Variants in RAB40C observed in about 807,000 individuals in gnomAD.
RAB40C encodes the protein ras-related protein Rab-40C.
Under a neutral mutation model 28.1 loss-of-function variants are expected in RAB40C, and 8 were observed. The ratio of observed to expected loss-of-function variants is 0.28; its 90% CI spans 0.17 to 0.51. The LOEUF is 0.51. RAB40C is among the 20% of genes least tolerant of loss of function. The probability of loss-of-function intolerance (pLI) is 0.97; values close to 1 mark genes in which losing one functional copy is unlikely to be tolerated. For synonymous variants in RAB40C, 201 were observed against 171.7 expected (o/e 1.17, Z -1.34); for missense variants, 288 against 405.9 (o/e 0.71, Z 2.50).
chr16:601,862 T>A (rs986228759), intron 1 of RAB40C, among the ~76,000 whole-genome samples: 4 of 125,542 alleles, frequency 3.2e-5, no homozygotes, highest in Admixed American at 8.6e-5. Context: ...ATGCGGTGGC[T>A]CACGCCTGTA....
chr16:629,228 C>T lies in RAB40C; in HGVS notation c.*1606C>T, dbSNP rs568707517. On this transcript the variant is annotated 3_prime_UTR_variant, in exon 6 of 6. Transcript: ENST00000248139. Reference sequence around the variant, plus strand: ...ACACTCCGCCATTCCTGGTTCTCTCCGAACCGTTCTTTGTACAGTAAATGT... The same window carrying T: ...ACACTCCGCCATTCCTGGTTCTCTCTGAACCGTTCTTTGTACAGTAAATGT... 45 of 266,056 alleles carry T rather than the reference C, an allele frequency of 1.7e-4. No individual in the cohort carries two copies. Among genetic ancestry groups the T allele is most frequent in the Non-Finnish European group, 2.2e-4 (28 of 129,422 alleles). The allele number at this position is 266,056 out of a possible 1,614,324, so 16.5% of individuals were successfully genotyped here. A position where few individuals can be genotyped will look rare whatever the true frequency, so the allele number is the denominator to read the frequency against.
At chr16:624,415 T>TC in intron 3 of RAB40C, 1 of 985,474 alleles carries the variant, frequency 1.0e-6, no homozygotes, top group Non-Finnish European at 1.2e-6. Context: ...TCGAAGGGTC[T>TC]CCCTCAGCGA....
At chr16:591,596 CTTT>C (rs1015313465) in intron 1 of RAB40C, among the ~76,000 whole-genome samples, 1 of 144,490 alleles carries the variant, frequency 6.9e-6, no homozygotes. Context: ...TCTTTTCTTT[CTTT>C]TTTTTTTTTT....
Position 627,687 on chromosome 16 carries a change from C to T in RAB40C, c.*65C>T, listed in dbSNP as rs1038952615. The T allele has an allele frequency of 2.9e-5, 43 of 1,488,004 alleles. No homozygotes were observed. The highest frequency in any genetic ancestry group is 2.7e-4 in the South Asian group (20 of 74,316). 92.2% of individuals were successfully genotyped at this position (1,488,004 alleles called of 1,614,324 possible). A position where few individuals can be genotyped will look rare whatever the true frequency, so the allele number is the denominator to read the frequency against. ...CTCGAGCTGGACACTCCTGGCTGGACGCCAGGCCAGTGCCGCCTACGTGGA... is the reference window on the plus strand; with the variant it reads ...CTCGAGCTGGACACTCCTGGCTGGATGCCAGGCCAGTGCCGCCTACGTGGA... On this transcript the variant is annotated 3_prime_UTR_variant, in exon 6 of 6. Transcript: ENST00000248139.
intron 1 of RAB40C, among the ~76,000 whole-genome samples, chr16:608,943 C>A (rs1250143728): frequency 6.6e-6 from 1 of 152,038 alleles, no homozygotes; most frequent in Non-Finnish European, 1.5e-5. Flanking sequence ...AGCGAGACCC[C>A]TGACTGTACA....
At chr16:624,775 G>A (rs988229429) in intron 3 of RAB40C, 43 of 985,446 alleles carry the variant, frequency 4.4e-5, no homozygotes, top group African/African-American at 2.1e-4. Context: ...TCACCGTTTC[G>A]CCCGACAGGG....
At chr16:604,590 G>A (rs970122528) in intron 1 of RAB40C, among the ~76,000 whole-genome samples, 17 of 151,038 alleles carry the variant, frequency 1.1e-4, no homozygotes, top group Non-Finnish European at 1.9e-4. Flanking sequence ...TAGAATACAC[G>A]TGAGTCCTTC....
chr16:621,955 T>G (rs2036727023), intron 3 of RAB40C, among the ~76,000 whole-genome samples: 1 of 152,110 alleles, frequency 6.6e-6, no homozygotes, highest in Non-Finnish European at 1.5e-5. Context: ...TGGCAGTAGC[T>G]CCCATTTTAC....
intron 1 of RAB40C, among the ~76,000 whole-genome samples, chr16:604,319 C>T (rs550763879): frequency 7.2e-5 from 11 of 152,302 alleles, no homozygotes; most frequent in African/African-American, 2.4e-4. Flanking sequence ...TTCAGTGGCA[C>T]TAGCACTAAA....
chr16:596,693 C>T lies in RAB40C; in HGVS notation c.142+6260C>T, dbSNP rs141603109. Reference sequence around the variant, plus strand: ...GGCGGGTGTCAGGGACCAGAAGTTACGAAGGCGGTGGGAAGAGGAGCAGCT... The same window carrying T: ...GGCGGGTGTCAGGGACCAGAAGTTATGAAGGCGGTGGGAAGAGGAGCAGCT... On this transcript the variant is annotated intron_variant, in intron 1 of 5. Transcript: ENST00000248139. Among the ~76,000 whole-genome samples the T allele has an allele frequency of 6.6e-5, 10 of 152,238 alleles. No individual in the cohort carries two copies. The East Asian group carries it at 1.9e-3, about 29-fold the overall frequency.
chr16:622,793 G>C (rs1287413609), intron 3 of RAB40C, among the ~76,000 whole-genome samples: 1 of 152,164 alleles, frequency 6.6e-6, no homozygotes, highest in African/African-American at 2.4e-5. Context: ...CGTGAGCCAC[G>C]GCGCCTGGCC....
intron 5 of RAB40C, 48 bp from the exon 6 acceptor site, chr16:627,294 G>A (rs1211357529): frequency 1.9e-6 from 3 of 1,563,184 alleles, no homozygotes; most frequent in Non-Finnish European, 1.7e-6. Context: ...CCTGCACAGG[G>A]CCTCCTCCCC....
intron 1 of RAB40C, among the ~76,000 whole-genome samples, chr16:593,811 C>T (rs1223663439): frequency 6.6e-6 from 1 of 152,198 alleles, no homozygotes; most frequent in Non-Finnish European, 1.5e-5. Flanking sequence ...CTTTCTTTGA[C>T]ACCCAGCAGT....
At chr16:589,627 C>T (rs1011842396), upstream of RAB40C, 6 of 152,384 alleles carry the variant, frequency 3.9e-5, no homozygotes, top group Admixed American at 6.5e-5. Flanking sequence ...CGGGCGAGGA[C>T]AACGGCGTTG....
At chr16:608,379 C>T (rs570821733) in intron 1 of RAB40C, among the ~76,000 whole-genome samples, 51 of 152,334 alleles carry the variant, frequency 3.3e-4, no homozygotes, top group African/African-American at 1.2e-3. Flanking sequence ...GGGACACAGC[C>T]AAATCTTATC....
intron 1 of RAB40C, among the ~76,000 whole-genome samples, chr16:608,295 A>AC (rs1421664509): frequency 3.3e-5 from 5 of 151,926 alleles, no homozygotes; most frequent in Admixed American, 6.6e-5. Context: ...GGGGGGAACC[A>AC]CCCCCATGAT....
At chr16:596,113 C>T (rs565011620) in intron 1 of RAB40C, among the ~76,000 whole-genome samples, 70 of 152,354 alleles carry the variant, frequency 4.6e-4, no homozygotes, top group African/African-American at 1.5e-3. Context: ...GGCAGGTGCA[C>T]GGCAGTGCCA....
chr16:616,203 CAG>C (rs980616023), intron 1 of RAB40C, among the ~76,000 whole-genome samples: 11 of 149,394 alleles, frequency 7.4e-5, no homozygotes, highest in Non-Finnish European at 1.2e-4. Flanking sequence ...TTGCAGTGAG[CAG>C]AGATCGCACC....
At chr16:625,111 TC>T in intron 3 of RAB40C, 2 of 1,324,346 alleles carry the variant, frequency 1.5e-6, no homozygotes, top group Non-Finnish European at 2.0e-6. Context: ...CAGCTGCACG[TC>T]CCCCGGCTGC....
Sources: gnomAD v4.1 joint callset for allele counts (sites outside exome capture counted in the v4.1 genomes callset) on GRCh38, gnomAD v4.1.1 for gene constraint, MANE v1.5 for transcripts, NCBI Gene and HGNC (gene_info 2026-07-23, HGNC 2026-07-21) for gene names.